EPS15L1: variants seen among roughly 807,000 people sequenced by gnomAD.
EPS15L1 encodes epidermal growth factor receptor substrate 15-like 1.
EPS15L1 carries 43 observed loss-of-function variants against 117.1 expected under a neutral mutation model. That is an observed-to-expected ratio of 0.37 (90% CI 0.29 to 0.47). EPS15L1 has a LOEUF of 0.47. Ranked by LOEUF, EPS15L1 falls within the 20% of genes least tolerant of loss-of-function variation. EPS15L1 has a pLI of 0.99. For synonymous variants in EPS15L1, 459 were observed against 470.5 expected (o/e 0.98, Z 0.32); for missense variants, 981 against 1,164.0 (o/e 0.84, Z 2.29).
At chr19:16,433,557 G>A (rs1284046508) in intron 7 of EPS15L1, among the ~76,000 whole-genome samples, 1 of 152,124 alleles carries the variant, frequency 6.6e-6, no homozygotes, top group Non-Finnish European at 1.5e-5. Context: ...CAGGAGTGGT[G>A]GTGCTCTTGC....
At chr19:16,380,853 T>C (rs1381187839) in intron 21 of EPS15L1, among the ~76,000 whole-genome samples, 1 of 152,254 alleles carries the variant, frequency 6.6e-6, no homozygotes, top group Non-Finnish European at 1.5e-5. Context: ...TCTAGGCCTC[T>C]AGCATCTAGT....
intron 13 of EPS15L1, chr19:16,413,084 C>T (rs60434491): frequency 1.0e-5 from 7 of 692,234 alleles, no homozygotes; most frequent in African/African-American, 8.8e-5. Flanking sequence ...TTGTTGCTAT[C>T]GGGGACTACA....
chr19:16,373,401 C>T (rs1156792189), intron 22 of EPS15L1, among the ~76,000 whole-genome samples: 1 of 151,096 alleles, frequency 6.6e-6, no homozygotes, highest in East Asian at 1.9e-4. Context: ...GCAAGAAAGG[C>T]AGAAAGGCTT....
intron 7 of EPS15L1, among the ~76,000 whole-genome samples, chr19:16,429,927 G>T (rs144072559): frequency 1.3e-5 from 2 of 152,344 alleles, no homozygotes; most frequent in African/African-American, 4.8e-5. Flanking sequence ...TGCACTGCAG[G>T]GTGGTGAGCA....
At chr19:16,413,396 C>CA (rs1239215030) in intron 13 of EPS15L1, 1 of 705,150 alleles carries the variant, frequency 1.4e-6, no homozygotes, top group Non-Finnish European at 2.5e-6. Flanking sequence ...CCATCCTGGG[C>CA]AACTTCGACA....
At chr19:16,412,930 G>C (rs1313405240) in intron 13 of EPS15L1, 2 of 655,794 alleles carry the variant, frequency 3.0e-6, no homozygotes, top group African/African-American at 3.6e-5. Flanking sequence ...CAAGTCCCTG[G>C]AGGAGAGCTA....
rs558378714 is a variant in EPS15L1, at chr19:16,429,104, T to G, written c.499-343A>C. Among the ~76,000 whole-genome samples the G allele has an allele frequency of 3.3e-5, 5 of 152,274 alleles. No homozygotes were observed. The East Asian group carries it at 9.6e-4, about 29-fold the overall frequency. ...CTTTGATTGAGTACAGGTGTTGCCC[T>G]AAACACCCACACTCCCTATGCTCAC... On this transcript the variant is annotated intron_variant, in intron 7 of 23. Coordinates refer to ENST00000455140, the MANE Select transcript of EPS15L1 (RefSeq NM_001258374.3).
intron 4 of EPS15L1, among the ~76,000 whole-genome samples, chr19:16,439,864 A>G (rs2093012991): frequency 6.6e-6 from 1 of 152,014 alleles, no homozygotes; most frequent in African/African-American, 2.4e-5. Flanking sequence ...ATCACTTATA[A>G]GTACAGGCTG....
At chr19:16,385,719 G>A (rs1419974022) in intron 20 of EPS15L1, among the ~76,000 whole-genome samples, 1 of 152,152 alleles carries the variant, frequency 6.6e-6, no homozygotes, top group Non-Finnish European at 1.5e-5. Flanking sequence ...CCAAAAGAAA[G>A]GGGGTGTCCA....
chr19:16,384,892 C>T (rs1236434987), intron 21 of EPS15L1, among the ~76,000 whole-genome samples: 2 of 152,162 alleles, frequency 1.3e-5, no homozygotes, highest in Non-Finnish European at 2.9e-5. Flanking sequence ...TCGTCAGACA[C>T]CAGTGGGAGC....
In EPS15L1 at chr19:16,421,387, C is replaced by T; in HGVS notation, c.882G>A (p.Val294=). ...AGATCTCCTTCACCTCCTGGCCACTCACGTAGCCATCCAGGTCCAGGTCGG... is the reference window on the plus strand; with the variant it reads ...AGATCTCCTTCACCTCCTGGCCACTTACGTAGCCATCCAGGTCCAGGTCGG... ...LKTDLDLDGY[V]SGQEVKEIFM... The change falls in exon 10 of 24, where the codon GTG becomes GTA. Residue 294 remains valine (V), a synonymous_variant. Coordinates refer to ENST00000455140, the MANE Select transcript of EPS15L1 (RefSeq NM_001258374.3). 6.2e-7 allele frequency: 1 copy of T among 1,614,146 alleles called. No homozygotes were observed. The highest frequency in any genetic ancestry group is 1.1e-5 in the South Asian group (1 of 91,086).
chr19:16,394,068 A>G, intron 17 of EPS15L1, 67 bp from the exon 18 acceptor site: 1 of 1,377,844 alleles, frequency 7.3e-7, no homozygotes, highest in Non-Finnish European at 1.0e-6. Context: ...GCCCTTGGAC[A>G]CAGCCACCCA....
chr19:16,423,228 G>A (rs2092835477), intron 9 of EPS15L1, among the ~76,000 whole-genome samples: 1 of 152,148 alleles, frequency 6.6e-6, no homozygotes, highest in Non-Finnish European at 1.5e-5. Flanking sequence ...TAGCAAGTAT[G>A]TGTGATGAAG....
chr19:16,436,906 G>A, intron 6 of EPS15L1, 31 bp downstream of exon 6: 1 of 1,562,390 alleles, frequency 6.4e-7, no homozygotes, highest in South Asian at 1.1e-5. Context: ...CTGAAGGAGA[G>A]CCAAGGAGGG....
intron 12 of EPS15L1, among the ~76,000 whole-genome samples, chr19:16,416,931 G>A (rs2092763839): frequency 6.6e-6 from 1 of 152,196 alleles, no homozygotes; most frequent in Admixed American, 6.5e-5. Flanking sequence ...TACACATGAG[G>A]AAACTAAGGC....
chr19:16,404,779 G>C lies in EPS15L1; in HGVS notation c.1267-30C>G. The C allele has an allele frequency of 6.2e-7, 1 of 1,610,574 alleles. No individual in the cohort carries two copies. Among genetic ancestry groups the C allele is most frequent in the Non-Finnish European group, 8.5e-7 (1 of 1,177,220 alleles). On this transcript the variant is annotated intron_variant, in intron 13 of 23. Transcript: ENST00000455140. The surrounding 1 kb of genome is among the most constrained non-coding windows in gnomAD (Gnocchi z 4.2). Reference sequence around the variant, plus strand: ...GGAGGAGTTGCAGGGGTTTACGTGAGGATGGGAAAAATGAAGCATGTCCAA... The same window carrying C: ...GGAGGAGTTGCAGGGGTTTACGTGACGATGGGAAAAATGAAGCATGTCCAA...
rs747692461 is a variant in EPS15L1 at position 16,361,899 on chromosome 19, G to A, written c.2466C>T (p.Gly822=). Residue 822 remains glycine, a synonymous_variant, in exon 23 of 24, where the codon GGC becomes GGT. Transcript: ENST00000455140. ...DPFQPLGADS[G]DPFQSKKGFG... is the part of the protein sequence containing the mutation. The stretch of plus-strand genomic sequence containing the variant: ...ACCCCTTTTTACTTTGGAACGGGTC[G>A]CCGCTGTCAGCCCCGAGTGGCTGGA... The A allele has an allele frequency of 1.9e-6, 3 of 1,614,146 alleles. No homozygotes were observed. The highest frequency in any genetic ancestry group is 3.3e-5 in the Admixed American group (2 of 60,030).
At chr19:16,446,110 G>A (rs532174320) in intron 1 of EPS15L1, among the ~76,000 whole-genome samples, 42 of 152,312 alleles carry the variant, frequency 2.8e-4, no homozygotes, top group African/African-American at 1.0e-3. Context: ...ACAAGGAGAA[G>A]GACAAGTTCA....
chr19:16,402,519 G>C, intron 15 of EPS15L1, 34 bp from the exon 16 acceptor site: 4 of 1,548,414 alleles, frequency 2.6e-6, no homozygotes, highest in Non-Finnish European at 3.5e-6. Context: ...CATTAAGCAG[G>C]GTCAGGAAAA....
Sources: allele counts gnomAD v4.1 joint callset (sites outside exome capture counted in the v4.1 genomes callset), GRCh38; gene constraint gnomAD v4.1.1; non-coding constraint Gnocchi (gnomAD v3.1); transcripts MANE v1.5; gene names NCBI Gene and HGNC (gene_info 2026-07-23, HGNC 2026-07-21).